PPFIA4: variants seen among roughly 807,000 people sequenced by gnomAD.
PPFIA4 encodes the protein PPFI scaffold protein A4, also known as liprin-alpha-4.
PPFIA4 carries 98 observed loss-of-function variants against 145.7 expected under a neutral mutation model. That is an observed-to-expected ratio of 0.67 (90% CI 0.57 to 0.80). PPFIA4 has a LOEUF of 0.80. Ranked by LOEUF, PPFIA4 falls within the 30% of genes least tolerant of loss-of-function variation. PPFIA4 has a pLI of 0.00. For synonymous variants in PPFIA4, 628 were observed against 649.6 expected, an observed-to-expected ratio of 0.97 and a Z score of 0.51; for missense variants, 1,457 against 1,632.7, an observed-to-expected ratio of 0.89 and a Z score of 1.85.
chr1:203,029,365 G>A (rs1006052086), intron 1 of PPFIA4, among the ~76,000 whole-genome samples: 1 of 152,224 alleles, frequency 6.6e-6, no homozygotes, highest in Non-Finnish European at 1.5e-5. Flanking sequence ...TTCTGAGAGA[G>A]TTGGAGGAGA....
intron 2 of PPFIA4, among the ~76,000 whole-genome samples, chr1:203,040,938 A>G (rs1659656566): frequency 6.6e-6 from 1 of 152,172 alleles, no homozygotes; most frequent in Non-Finnish European, 1.5e-5. Flanking sequence ...ATCCCCAGTG[A>G]TCTGCACAGG....
intron 14 of PPFIA4, 149 bp downstream of exon 14, chr1:203,052,026 C>A: frequency 1.4e-6 from 1 of 737,416 alleles, no homozygotes. Flanking sequence ...TTGAGGCCAT[C>A]GTCAGCTGCA....
intron 1 of PPFIA4, among the ~76,000 whole-genome samples, chr1:203,033,758 A>G (rs1244698294): frequency 6.6e-6 from 1 of 152,182 alleles, no homozygotes. Flanking sequence ...GTGGGCAGAC[A>G]GCTGAGGTCA....
rs1399460117 is a variant in PPFIA4, at chr1:203,075,977, C to T, written c.3574+220C>T. 2 of 539,356 alleles carry T rather than the reference C, an allele frequency of 3.7e-6. No homozygotes were observed. The highest frequency in any genetic ancestry group is 3.6e-5 in the South Asian group (1 of 27,558). The allele number at this position is 539,356 out of a possible 1,614,324, so 33.4% of individuals were successfully genotyped here. On this transcript the variant is annotated intron_variant, in intron 29 of 29. Coordinates refer to ENST00000295706, the MANE Select transcript of PPFIA4 (RefSeq NM_001304331.2). This position sits in a 1 kb window ranked among gnomAD's most constrained non-coding sequence, Gnocchi z 4.1. The stretch of plus-strand genomic sequence containing the variant: ...TGCCGACTTCTCCCAGCTGGGACGG[C>T]GGGGTCGCAGAGACTGGAGACCTCC...
chr1:203,040,514 C>T (rs1184909520), intron 2 of PPFIA4, among the ~76,000 whole-genome samples: 2 of 152,208 alleles, frequency 1.3e-5, no homozygotes, highest in African/African-American at 4.8e-5. Flanking sequence ...CCTCCTCTTT[C>T]ACTGTGCACG....
rs776866338 is a variant in PPFIA4 at position 203,045,355 on chromosome 1, C to T, written c.667-13C>T. 1.3e-6 allele frequency: 2 copies of T among 1,570,200 alleles called. No individual in the cohort carries two copies. The highest frequency in any genetic ancestry group is 1.8e-5 in the Admixed American group (1 of 55,052). ...TGCTGTGACTCACAGAGCTACTGTC[C>T]CTATCCCTGGAGGAGGATACGGGCC... On this transcript the variant is annotated splice_polypyrimidine_tract_variant and intron_variant, in intron 6 of 29. Transcript: ENST00000295706.
At chr1:203,073,679 T>C (rs1279530660) in intron 28 of PPFIA4, among the ~76,000 whole-genome samples, 3 of 152,122 alleles carry the variant, frequency 2.0e-5, no homozygotes, top group Non-Finnish European at 4.4e-5. Flanking sequence ...TCCCTGCATA[T>C]GGAGATGAGG....
At position 203,048,101 on chromosome 1, in the gene PPFIA4, C is replaced by T. The variant is rs777872173; in HGVS notation, c.1141-126C>T. 6 of 782,394 alleles carry T rather than the reference C, an allele frequency of 7.7e-6. No homozygotes were observed. Among genetic ancestry groups the T allele is most frequent in the Admixed American group, 2.2e-5 (1 of 44,664 alleles). The allele number at this position is 782,394 out of a possible 1,614,324, so 48.5% of individuals were successfully genotyped here. On this transcript the variant is annotated intron_variant, in intron 9 of 29. Coordinates refer to ENST00000295706, the MANE Select transcript of PPFIA4 (RefSeq NM_001304331.2). This position sits in a 1 kb window ranked among gnomAD's most constrained non-coding sequence, Gnocchi z 5.8. ...CCTGCTCCAAGATGATAAGTGGAGG[C>T]TGAGCGTCACTGGTACTGGGGGCCA...
rs1255857763 is a variant in PPFIA4 at position 203,048,566 on chromosome 1, G to A, written c.1225-17G>A. The stretch of plus-strand genomic sequence containing the variant: ...TCCCTGGGAGGGCGGCCTGGTGCGA[G>A]GCAGACGGCTGTGCAGGTGCGCCAG... On this transcript the variant is annotated splice_polypyrimidine_tract_variant and intron_variant, in intron 10 of 29. Coordinates refer to ENST00000295706, the MANE Select transcript of PPFIA4 (RefSeq NM_001304331.2). The surrounding 1 kb of genome is among the most constrained non-coding windows in gnomAD (Gnocchi z 5.8). 6.4e-7 allele frequency: 1 copy of A among 1,567,784 alleles called. No homozygotes were observed. The highest frequency in any genetic ancestry group is 8.6e-7 in the Non-Finnish European group (1 of 1,157,512).
chr1:203,071,809 G>T, intron 28 of PPFIA4, 49 bp downstream of exon 28: 2 of 1,483,642 alleles, frequency 1.3e-6, no homozygotes, highest in East Asian at 2.3e-5. Context: ...GGTCATCTTC[G>T]TTGGATTGAG....
chr1:203,051,523 T>A, intron 13 of PPFIA4: 2 of 743,552 alleles, frequency 2.7e-6, no homozygotes, highest in Non-Finnish European at 1.9e-6. Flanking sequence ...AGATCCTTCT[T>A]ATGCCAGACG....
At chr1:203,046,087 A>G in intron 8 of PPFIA4, 100 bp downstream of exon 8, 1 of 1,552,500 alleles carries the variant, frequency 6.4e-7, no homozygotes. Flanking sequence ...GGGGTCCTGC[A>G]GGTCACCCTT....
At chr1:203,037,440 C>G (rs937299543) in intron 1 of PPFIA4, among the ~76,000 whole-genome samples, 1 of 152,284 alleles carries the variant, frequency 6.6e-6, no homozygotes, top group Non-Finnish European at 1.5e-5. Flanking sequence ...CTCCAGTGTG[C>G]CTATTGCTGT....
rs747918586 is a variant in PPFIA4 at position 203,046,384 on chromosome 1, C to T, written c.1140+2C>T. 6 of 1,583,446 alleles carry T rather than the reference C, an allele frequency of 3.8e-6. No homozygotes were observed. Among genetic ancestry groups the T allele is most frequent in the Non-Finnish European group, 5.1e-6 (6 of 1,166,230 alleles). ...CAGAGAATTGCAGCCCTCACCAAGGCAAGTGGGCCAGGGGCCTGGGATCTG... is the reference window on the plus strand; with the variant it reads ...CAGAGAATTGCAGCCCTCACCAAGGTAAGTGGGCCAGGGGCCTGGGATCTG... On this transcript the variant is annotated splice_donor_variant, in intron 9 of 29. Transcript: ENST00000295706. LOFTEE classifies it low-confidence loss of function (GC_TO_GT_DONOR).
Position 203,064,091 on chromosome 1 carries a change from A to T in PPFIA4, c.3050+88A>T, listed in dbSNP as rs752108635. 6.6e-4 allele frequency: 943 copies of T among 1,430,002 alleles called. 7 individuals carry two copies. The highest frequency in any genetic ancestry group is 5.1e-3 in the Middle Eastern group (20 of 3,934). The allele number at this position is 1,430,002 out of a possible 1,614,324, so 88.6% of individuals were successfully genotyped here. ...TGCCTCCAGGAACAGAGGTGCCTCCATCTCTTTCCGTGGTCTGTTCTGAGT... is the reference window on the plus strand; with the variant it reads ...TGCCTCCAGGAACAGAGGTGCCTCCTTCTCTTTCCGTGGTCTGTTCTGAGT... On this transcript the variant is annotated intron_variant, in intron 25 of 29. Transcript: ENST00000295706.
At chr1:203,059,567 G>A (rs926416494) in intron 20 of PPFIA4, among the ~76,000 whole-genome samples, 1 of 152,136 alleles carries the variant, frequency 6.6e-6, no homozygotes, top group Admixed American at 6.5e-5. Flanking sequence ...AGAGCTCCTC[G>A]CCCTCTTGGG....
intron 14 of PPFIA4, 40 bp from the exon 15 acceptor site, chr1:203,053,713 G>A (rs1175086839): frequency 6.6e-7 from 1 of 1,517,398 alleles, no homozygotes. Flanking sequence ...AGTTATCTGG[G>A]TGTCTTATTA....
At chr1:203,049,432 T>C (rs940537903) in intron 12 of PPFIA4, among the ~76,000 whole-genome samples, 3 of 152,274 alleles carry the variant, frequency 2.0e-5, no homozygotes, top group African/African-American at 7.2e-5. Context: ...AGCAGAGCCC[T>C]CCCCAGACAG....
chr1:203,037,051 G>A (rs782804), intron 1 of PPFIA4: 77,540 of 214,938 alleles, frequency 0.36, 14,827 homozygotes, highest in South Asian at 0.44. Context: ...GCACTACTGC[G>A]CCCCTCTGGG....
Sources: gnomAD v4.1 joint callset for allele counts (sites outside exome capture counted in the v4.1 genomes callset) on GRCh38, gnomAD v4.1.1 for gene constraint, Gnocchi (gnomAD v3.1) non-coding constraint, MANE v1.5 for transcripts, NCBI Gene and HGNC (gene_info 2026-07-23, HGNC 2026-07-21) for gene names.